Variants in ODAD2 observed in about 807,000 individuals in gnomAD.
The protein encoded by ODAD2 is outer dynein arm docking complex subunit 2, also known as outer dynein arm-docking complex subunit 2.
A neutral mutation model predicts 106.8 loss-of-function variants in ODAD2; 89 were observed. The ratio of observed to expected loss-of-function variants is 0.83; its 90% CI spans 0.70 to 0.99. ODAD2 has a LOEUF of 0.99. ODAD2 is among the 50% of genes least tolerant of loss of function. The pLI is 0.00. For missense variants in ODAD2, 1,168 were observed against 1,238.5 expected, an observed-to-expected ratio of 0.94 and a Z score of 0.85; for synonymous variants, 404 against 436.2, an observed-to-expected ratio of 0.93 and a Z score of 0.92.
chr10:27,837,908 T>A (rs1296381193), intron 19 of ODAD2, among the ~76,000 whole-genome samples: 1 of 151,914 alleles, frequency 6.6e-6, no homozygotes, highest in Non-Finnish European at 1.5e-5. Flanking sequence ...TTAATGTAAC[T>A]TTTTTTTAGC....
intron 17 of ODAD2, among the ~76,000 whole-genome samples, chr10:27,868,801 C>G (rs1460458543): frequency 6.6e-6 from 1 of 151,778 alleles, no homozygotes; most frequent in Non-Finnish European, 1.5e-5. Context: ...TGTAACAAAC[C>G]TGCACATTCT....
At chr10:27,891,951 GAATTT>G (rs55905715) in intron 17 of ODAD2, among the ~76,000 whole-genome samples, 100,244 of 151,242 alleles carry the variant, frequency 0.66, 33,492 homozygotes, top group Middle Eastern at 0.74. Context: ...TAAGAACAAA[GAATTT>G]AATATATGGA....
chr10:27,928,711 T>A (rs969801343), intron 16 of ODAD2, among the ~76,000 whole-genome samples: 4 of 151,944 alleles, frequency 2.6e-5, no homozygotes, highest in Admixed American at 6.5e-5. Context: ...CAGATGAATA[T>A]ACATACTATG....
intron 3 of ODAD2, among the ~76,000 whole-genome samples, chr10:27,986,938 T>C (rs1329978728): frequency 2.0e-5 from 3 of 152,246 alleles, no homozygotes; most frequent in Non-Finnish European, 4.4e-5. Flanking sequence ...CTGTCTCTGC[T>C]AAAGAAAGAG....
At chr10:27,969,160 C>G in intron 8 of ODAD2, 142 bp from the exon 9 acceptor site, 1 of 608,118 alleles carries the variant, frequency 1.6e-6, no homozygotes, top group South Asian at 1.9e-5. Flanking sequence ...CAGCCTCATT[C>G]TGACACTCGG....
At chr10:27,966,733 A>G (rs1269765802) in intron 9 of ODAD2, among the ~76,000 whole-genome samples, 9 of 152,220 alleles carry the variant, frequency 5.9e-5, no homozygotes, top group Admixed American at 5.2e-4. Context: ...GGATACATTA[A>G]AACTTTACCT....
At chr10:27,989,645 T>C (rs564733512) in intron 2 of ODAD2, among the ~76,000 whole-genome samples, 83 of 152,296 alleles carry the variant, frequency 5.4e-4, no homozygotes, top group East Asian at 2.5e-3. Context: ...TCATTGCTCC[T>C]ACCAGTTGAA....
At chr10:27,972,136 C>T (rs1214387646) in intron 7 of ODAD2, among the ~76,000 whole-genome samples, 1 of 152,058 alleles carries the variant, frequency 6.6e-6, no homozygotes, top group East Asian at 1.9e-4. Context: ...ACAACAATAA[C>T]ACAAAGTATA....
chr10:27,936,759 C>T lies in ODAD2; in HGVS notation c.2219G>A (p.Trp740Ter), dbSNP rs201213030. Residue 740 changes from tryptophan (W) to a stop codon, truncating the protein, a stop_gained, in exon 15 of 20, where the codon TGG (tryptophan) becomes TAG (stop). Transcript: ENST00000305242. LOFTEE classifies it high-confidence loss of function. ...ERLAAVTGAI[W>*]KCSISKENVT... ...ATTCTCTTTGCTGATGGAACATTTCCATATAGCCCCTGTGACAGCAGCTAA... is the reference window on the plus strand; with the variant it reads ...ATTCTCTTTGCTGATGGAACATTTCTATATAGCCCCTGTGACAGCAGCTAA... 8.2e-5 allele frequency: 132 copies of T among 1,613,872 alleles called. No homozygotes were observed. Among genetic ancestry groups the T allele is most frequent in the Non-Finnish European group, 1.1e-4 (127 of 1,179,940 alleles).
intron 7 of ODAD2, among the ~76,000 whole-genome samples, chr10:27,978,794 AAAAAG>A (rs916456645): frequency 5.0e-4 from 76 of 152,172 alleles, no homozygotes; most frequent in African/African-American, 1.6e-3. Flanking sequence ...TCCATCTCAA[AAAAAG>A]AAAAGAAAAG....
intron 7 of ODAD2, among the ~76,000 whole-genome samples, chr10:27,978,239 G>C (rs1849316931): frequency 6.6e-6 from 1 of 152,052 alleles, no homozygotes; most frequent in Admixed American, 6.6e-5. Context: ...ACAAAAATCT[G>C]CACAAACCAT....
intron 19 of ODAD2, among the ~76,000 whole-genome samples, chr10:27,824,142 A>T (rs909664404): frequency 9.2e-6 from 1 of 109,066 alleles, no homozygotes; most frequent in Non-Finnish European, 1.6e-5. Flanking sequence ...CCGTCTCAAA[A>T]AAAAAAAAAA....
intron 9 of ODAD2, among the ~76,000 whole-genome samples, chr10:27,963,335 C>T (rs1848269701): frequency 6.6e-6 from 1 of 152,060 alleles, no homozygotes; most frequent in African/African-American, 2.4e-5. Context: ...TTCATTATTT[C>T]TAAACCTCAC....
At chr10:27,815,565 A>G (rs1836064015) in intron 19 of ODAD2, among the ~76,000 whole-genome samples, 1 of 152,092 alleles carries the variant, frequency 6.6e-6, no homozygotes, top group Admixed American at 6.5e-5. Context: ...TGACCCCTTA[A>G]CAGCATTTGA....
chr10:27,889,274 C>T (rs1003508152), intron 17 of ODAD2, among the ~76,000 whole-genome samples: 4 of 152,148 alleles, frequency 2.6e-5, no homozygotes, highest in Admixed American at 6.6e-5. Flanking sequence ...GAAGATTTCA[C>T]ACTCGGGGTA....
chr10:27,935,381 T>G, intron 15 of ODAD2, 129 bp from the exon 16 acceptor site: 1 of 1,224,092 alleles, frequency 8.2e-7, no homozygotes, highest in Non-Finnish European at 1.1e-6. Context: ...ACTGGATGGT[T>G]AATCTGAAGC....
rs1247501567 is a variant in ODAD2 at position 27,993,970 on chromosome 10, A to ATGTGTGTG, written c.224+948_224+949insCACACACA. ...AACTGAGGCTGGCAAATATATATATATATATGTGTGTGTGTGTGTGTGTGT... is the reference window on the plus strand; with the variant it reads ...AACTGAGGCTGGCAAATATATATATATGTGTGTGTATATGTGTGTGTGTGTGTGTGTGT... On this transcript the variant is annotated intron_variant, in intron 2 of 19. Coordinates refer to ENST00000305242, the MANE Select transcript of ODAD2 (RefSeq NM_018076.5). 3.1e-3 allele frequency among the ~76,000 whole-genome samples: 340 copies of ATGTGTGTG among 108,502 alleles called. 2 individuals are homozygous for ATGTGTGTG. The highest frequency in any genetic ancestry group is 0.01 in the African/African-American group (328 of 32,018). 71.2% of individuals were successfully genotyped at this position (108,502 alleles called of 152,430 possible).
intron 16 of ODAD2, among the ~76,000 whole-genome samples, chr10:27,918,847 A>G (rs1844574919): frequency 6.6e-6 from 1 of 151,846 alleles, no homozygotes; most frequent in Non-Finnish European, 1.5e-5. Context: ...GCCAGCATAC[A>G]TAAAGGTATA....
At chr10:27,905,846 C>CAA (rs1843550211) in intron 17 of ODAD2, among the ~76,000 whole-genome samples, 1 of 152,158 alleles carries the variant, frequency 6.6e-6, no homozygotes, top group Admixed American at 6.5e-5. Flanking sequence ...CTCTTCCTTA[C>CAA]ACCTTATACA....
Sources: gnomAD v4.1 joint callset for allele counts (sites outside exome capture counted in the v4.1 genomes callset) on GRCh38, gnomAD v4.1.1 for gene constraint, MANE v1.5 for transcripts, NCBI Gene and HGNC (gene_info 2026-07-23, HGNC 2026-07-21) for gene names.